Variants in MAN1C1 observed in about 807,000 individuals in gnomAD.
MAN1C1 encodes mannosyl-oligosaccharide 1,2-alpha-mannosidase IC.
MAN1C1 carries 49 observed loss-of-function variants against 71.5 expected under a neutral mutation model. That is an observed-to-expected ratio of 0.69 (90% CI 0.54 to 0.87). The LOEUF is 0.87. MAN1C1 is among the 40% of genes least tolerant of loss of function. The probability of loss-of-function intolerance (pLI) is 0.00; values close to 1 mark genes in which losing one functional copy is unlikely to be tolerated. For synonymous variants in MAN1C1, 352 were observed against 343.7 expected, an observed-to-expected ratio of 1.02 and a Z score of -0.27; for missense variants, 743 against 835.0, an observed-to-expected ratio of 0.89 and a Z score of 1.36.
At chr1:25,780,830 A>G (rs807274) in intron 9 of MAN1C1, 110 bp from the exon 10 acceptor site, 3 of 1,163,440 alleles carry the variant, frequency 2.6e-6, no homozygotes, top group Non-Finnish European at 3.8e-6. Flanking sequence ...ACCCACACAC[A>G]CCTGACATCA....
In MAN1C1 at chr1:25,634,728, G is replaced by A. The variant is rs766464202; in HGVS notation, c.540+16391G>A. 4.6e-4 allele frequency among the ~76,000 whole-genome samples: 70 copies of A among 152,210 alleles called. 1 individual carries two copies. The highest frequency in any genetic ancestry group is 3.4e-3 in the Middle Eastern group (1 of 294). ...CCAGCTATTCAGGAGGCTGGGGCAC[G>A]AGAATTGCTTGAACTAGGGAGGCGG... On this transcript the variant is annotated intron_variant, in intron 1 of 11. Transcript: ENST00000374332. The surrounding 1 kb of genome is among the most constrained non-coding windows in gnomAD (Gnocchi z 4.6).
intron 2 of MAN1C1, among the ~76,000 whole-genome samples, chr1:25,738,728 A>C (rs966509482): frequency 1.1e-4 from 16 of 152,244 alleles, no homozygotes; most frequent in African/African-American, 2.7e-4. Flanking sequence ...ACTGTCAGTC[A>C]GAAAACTGAT....
At chr1:25,704,444 G>A (rs1485932654) in intron 2 of MAN1C1, among the ~76,000 whole-genome samples, 1 of 152,150 alleles carries the variant, frequency 6.6e-6, no homozygotes, top group Non-Finnish European at 1.5e-5. Context: ...TCCCAATGTG[G>A]AGATAAGAGG....
intron 2 of MAN1C1, among the ~76,000 whole-genome samples, chr1:25,740,428 G>A (rs1036164516): frequency 5.3e-5 from 8 of 150,680 alleles, no homozygotes; most frequent in Admixed American, 1.3e-4. Context: ...TTTTGTTGTT[G>A]TTGTTGTTGT....
Position 25,735,725 on chromosome 1 carries a change from T to A in MAN1C1, c.638-10943T>A, listed in dbSNP as rs1343326761. Among the ~76,000 whole-genome samples the A allele has an allele frequency of 1.3e-5, 2 of 152,220 alleles. No homozygotes were observed. Among genetic ancestry groups the A allele is most frequent in the Non-Finnish European group, 1.5e-5 (1 of 68,038 alleles). On this transcript the variant is annotated intron_variant, in intron 2 of 11. Transcript: ENST00000374332. This position sits in a 1 kb window ranked among gnomAD's most constrained non-coding sequence, Gnocchi z 4.6. ...CATCTAGCTAGATCCAAGTCTGCTC[T>A]GCACATATCTCATCCTTCCTGGACC...
intron 1 of MAN1C1, among the ~76,000 whole-genome samples, chr1:25,627,817 G>C (rs1434964546): frequency 6.6e-6 from 1 of 150,624 alleles, no homozygotes; most frequent in Non-Finnish European, 1.5e-5. Flanking sequence ...TGAATCGATT[G>C]AGCCCAGGAG....
chr1:25,632,660 G>A (rs1345251546), intron 1 of MAN1C1, among the ~76,000 whole-genome samples: 1 of 152,140 alleles, frequency 6.6e-6, no homozygotes. Context: ...TGTTAGCACA[G>A]TATCCCAGAG....
intron 1 of MAN1C1, chr1:25,658,996 C>G (rs2045809063): frequency 6.6e-6 from 1 of 152,368 alleles, no homozygotes; most frequent in Non-Finnish European, 1.5e-5. Flanking sequence ...CTGCGTCGTG[C>G]CTGAGCCTGC....
At chr1:25,637,714 A>G (rs562690898) in intron 1 of MAN1C1, among the ~76,000 whole-genome samples, 1 of 151,288 alleles carries the variant, frequency 6.6e-6, no homozygotes, top group South Asian at 2.1e-4. Flanking sequence ...TTTGCTTCGT[A>G]TTTTTTATAT....
At chr1:25,650,984 A>C (rs1371191782) in intron 1 of MAN1C1, among the ~76,000 whole-genome samples, 3 of 152,146 alleles carry the variant, frequency 2.0e-5, no homozygotes, top group African/African-American at 7.2e-5. Flanking sequence ...TTCATTCAGT[A>C]AGTAAGAACT....
At chr1:25,654,204 T>C in intron 1 of MAN1C1, 1 of 152,318 alleles carries the variant, frequency 6.6e-6, no homozygotes. Context: ...ATGGACAAAT[T>C]CCTTCCCCTC....
Position 25,746,549 on chromosome 1 carries a change from C to T in MAN1C1, c.638-119C>T. 2.5e-6 allele frequency: 2 copies of T among 811,266 alleles called. No homozygotes were observed. Among genetic ancestry groups the T allele is most frequent in the Non-Finnish European group, 4.2e-6 (2 of 475,434 alleles). The allele number at this position is 811,266 out of a possible 1,614,324, so 50.3% of individuals were successfully genotyped here. On this transcript the variant is annotated intron_variant, in intron 2 of 11. Transcript: ENST00000374332. The surrounding 1 kb of genome is among the most constrained non-coding windows in gnomAD (Gnocchi z 4.0). ...GGAGTCCCCCGGATGGTGCCTGAGG[C>T]CAGCCTTTGCCACCAAGCCTGCGCT... is the stretch of plus-strand genomic sequence containing the variant.
chr1:25,719,524 A>C (rs913025073), intron 2 of MAN1C1, among the ~76,000 whole-genome samples: 1 of 151,810 alleles, frequency 6.6e-6, no homozygotes, highest in African/African-American at 2.4e-5. Flanking sequence ...TCCTGGTTTC[A>C]AGCAATCCTC....
chr1:25,765,242 G>T (rs2047412657), intron 7 of MAN1C1, among the ~76,000 whole-genome samples: 1 of 152,188 alleles, frequency 6.6e-6, no homozygotes. Flanking sequence ...GCTTAGGTGT[G>T]AGAGTGTGGA....
chr1:25,759,103 TA>T lies in MAN1C1; in HGVS notation c.1047+395del, dbSNP rs2047327976. The T allele has an allele frequency of 1.4e-5, 3 of 209,042 alleles. No homozygotes were observed. In the South Asian group the frequency reaches 2.8e-4, roughly 19 times the overall value. 12.9% of individuals were successfully genotyped at this position (209,042 alleles called of 1,614,324 possible). A position where few individuals can be genotyped will look rare whatever the true frequency, so the allele number is the denominator to read the frequency against. On this transcript the variant is annotated intron_variant, in intron 6 of 11. Coordinates refer to ENST00000374332, the MANE Select transcript of MAN1C1 (RefSeq NM_020379.4). ...CAGAAGTCCCCTTTCCAGAGACATT[TA>T]GCTTTTCCATGTGAGATCTGCCTGC...
At chr1:25,745,958 T>C (rs1403816209) in intron 2 of MAN1C1, among the ~76,000 whole-genome samples, 1 of 151,610 alleles carries the variant, frequency 6.6e-6, no homozygotes, top group Non-Finnish European at 1.5e-5. Context: ...ACCATTATAC[T>C]CCAGTCTGAG....
In MAN1C1 at chr1:25,737,935, G is replaced by T. The variant is rs80326659; in HGVS notation, c.638-8733G>T. Among the ~76,000 whole-genome samples the T allele has an allele frequency of 2.0e-5, 3 of 152,282 alleles. No individual in the cohort carries two copies. The East Asian group carries it at 5.8e-4, about 29-fold the overall frequency. The stretch of plus-strand genomic sequence containing the variant: ...AAGCATCACTTTGCAAAGAGAGCAG[G>T]ACAAGAGGTGAGGCTGGAGAACTTG... On this transcript the variant is annotated intron_variant, in intron 2 of 11. Transcript: ENST00000374332.
At chr1:25,706,977 CA>C (rs749808140) in intron 2 of MAN1C1, among the ~76,000 whole-genome samples, 1 of 152,226 alleles carries the variant, frequency 6.6e-6, no homozygotes, top group African/African-American at 2.4e-5. Flanking sequence ...AGTTGCCTTG[CA>C]GGGAATGTCT....
At chr1:25,770,874 T>A (rs970738759) in intron 7 of MAN1C1, among the ~76,000 whole-genome samples, 6 of 152,230 alleles carry the variant, frequency 3.9e-5, no homozygotes, top group African/African-American at 1.2e-4. Context: ...TGGTTTGTTC[T>A]TTGTTAAATC....
Sources: allele counts gnomAD v4.1 joint callset (sites outside exome capture counted in the v4.1 genomes callset), GRCh38; gene constraint gnomAD v4.1.1; non-coding constraint Gnocchi (gnomAD v3.1); transcripts MANE v1.5; gene names NCBI Gene and HGNC (gene_info 2026-07-23, HGNC 2026-07-21).